MAD1L1: variants seen among roughly 807,000 people sequenced by gnomAD.
The protein encoded by MAD1L1 is mitotic arrest deficient 1 like 1.
Under a neutral mutation model 96.9 loss-of-function variants are expected in MAD1L1, and 95 were observed. The ratio of observed to expected loss-of-function variants is 0.98; its 90% CI spans 0.83 to 1.16. The LOEUF is 1.16. MAD1L1 is among the 50% of genes most tolerant of loss of function. The pLI is 0.00. For synonymous variants in MAD1L1, 473 were observed against 396.6 expected (o/e 1.19, Z -2.29); for missense variants, 1,007 against 954.4 (o/e 1.06, Z -0.73).
At chr7:2,017,784 T>C (rs1443996647) in intron 12 of MAD1L1, among the ~76,000 whole-genome samples, 3 of 152,014 alleles carry the variant, frequency 2.0e-5, no homozygotes, top group Non-Finnish European at 4.4e-5. Flanking sequence ...TCCCACGCAA[T>C]GAGAGACAGA....
intron 18 of MAD1L1, chr7:1,846,394 G>C (rs1783624907): frequency 6.5e-6 from 1 of 152,746 alleles, no homozygotes; most frequent in Non-Finnish European, 1.5e-5. Context: ...GGGTTCAGGA[G>C]GTTTATAAAC....
At chr7:1,990,666 C>T (rs964816408) in intron 14 of MAD1L1, among the ~76,000 whole-genome samples, 9 of 152,248 alleles carry the variant, frequency 5.9e-5, no homozygotes, top group Non-Finnish European at 1.0e-4. Context: ...TTGGAGGAAC[C>T]GGGGCCTCAC....
chr7:1,966,456 C>A (rs937198891), intron 15 of MAD1L1, among the ~76,000 whole-genome samples: 4 of 151,120 alleles, frequency 2.6e-5, no homozygotes. Context: ...AGTGTGCACG[C>A]TCTCACAGCA....
intron 12 of MAD1L1, among the ~76,000 whole-genome samples, chr7:2,060,256 TGCCGAGATAC>T (rs146871504): frequency 3.5e-5 from 5 of 144,482 alleles, no homozygotes; most frequent in Non-Finnish European, 6.2e-5. Context: ...GATACGCCGA[TGCCGAGATAC>T]GCCGATGCCG....
intron 11 of MAD1L1, among the ~76,000 whole-genome samples, chr7:2,135,123 G>A (rs150961097): frequency 1.2e-3 from 177 of 152,362 alleles, no homozygotes; most frequent in Middle Eastern, 6.8e-3. Flanking sequence ...CACGAAAGGT[G>A]TGAAGGAACG....
intron 11 of MAD1L1, among the ~76,000 whole-genome samples, chr7:2,073,688 G>A (rs529957252): frequency 1.2e-4 from 18 of 152,362 alleles, no homozygotes; most frequent in Non-Finnish European, 2.9e-5. Context: ...TGAAGCGTGT[G>A]TTCTGCAGCA....
chr7:2,127,009 C>T (rs1210724030), intron 11 of MAD1L1, among the ~76,000 whole-genome samples: 1 of 152,218 alleles, frequency 6.6e-6, no homozygotes, highest in African/African-American at 2.4e-5. Flanking sequence ...AGTTCAGTCA[C>T]GAAGCACATC....
At chr7:1,840,141 AC>A (rs1783170241) in intron 18 of MAD1L1, among the ~76,000 whole-genome samples, 1 of 152,034 alleles carries the variant, frequency 6.6e-6, no homozygotes, top group South Asian at 2.1e-4. Context: ...CCCAGGTCTG[AC>A]ACTCTCTTTC....
At chr7:2,073,048 G>A (rs1317120099) in intron 11 of MAD1L1, among the ~76,000 whole-genome samples, 1 of 152,200 alleles carries the variant, frequency 6.6e-6, no homozygotes, top group African/African-American at 2.4e-5. Context: ...CCCAGGAACT[G>A]GATGTGGCCT....
chr7:1,942,101 A>G (rs1188491391), intron 16 of MAD1L1, among the ~76,000 whole-genome samples: 1 of 152,020 alleles, frequency 6.6e-6, no homozygotes, highest in African/African-American at 2.4e-5. Context: ...CCCTTAGTCC[A>G]TCCACCCGCA....
chr7:2,126,004 G>C (rs1788214185), intron 11 of MAD1L1, among the ~76,000 whole-genome samples: 1 of 152,228 alleles, frequency 6.6e-6, no homozygotes. Context: ...TCCTGGAGAG[G>C]GGTCATCTTC....
intron 18 of MAD1L1, among the ~76,000 whole-genome samples, chr7:1,860,388 CG>C (rs1482091585): frequency 8.5e-6 from 1 of 117,468 alleles, no homozygotes; most frequent in East Asian, 3.2e-4. Context: ...TGACATCCTG[CG>C]GGGCGGCCTC....
At chr7:2,023,897 C>G (rs911895916) in intron 12 of MAD1L1, among the ~76,000 whole-genome samples, 2 of 151,668 alleles carry the variant, frequency 1.3e-5, no homozygotes, top group Non-Finnish European at 2.9e-5. Flanking sequence ...TGCAGTGAGC[C>G]GAGATCACGC....
At chr7:1,899,141 C>A (rs961505673) in intron 17 of MAD1L1, among the ~76,000 whole-genome samples, 3 of 152,222 alleles carry the variant, frequency 2.0e-5, no homozygotes, top group African/African-American at 7.2e-5. Context: ...CCACACCCTG[C>A]CCGTCAGAGT....
chr7:2,125,867 AAGTC>A (rs1166862287), intron 11 of MAD1L1, among the ~76,000 whole-genome samples: 5 of 145,542 alleles, frequency 3.4e-5, no homozygotes, highest in African/African-American at 1.2e-4. Flanking sequence ...GACTACCTGA[AAGTC>A]AGCTTACGCG....
chr7:2,167,173 C>G (rs951069427), intron 10 of MAD1L1, among the ~76,000 whole-genome samples: 29 of 152,154 alleles, frequency 1.9e-4, no homozygotes, highest in African/African-American at 7.0e-4. Context: ...CAAGTGGGCG[C>G]AGTAGCAGGC....
chr7:2,125,774 T>C (rs1788203626), intron 11 of MAD1L1, among the ~76,000 whole-genome samples: 1 of 152,250 alleles, frequency 6.6e-6, no homozygotes, highest in South Asian at 2.1e-4. Context: ...TGGGGTCATT[T>C]ACCACAGCTC....
chr7:2,168,476 C>T (rs1790545485), intron 10 of MAD1L1, among the ~76,000 whole-genome samples: 1 of 152,244 alleles, frequency 6.6e-6, no homozygotes, highest in African/African-American at 2.4e-5. Flanking sequence ...AGAAAGGCAA[C>T]AGCCATGCAC....
At chr7:1,905,616 C>T (rs1387564991) in intron 17 of MAD1L1, among the ~76,000 whole-genome samples, 2 of 152,244 alleles carry the variant, frequency 1.3e-5, no homozygotes, top group African/African-American at 2.4e-5. Flanking sequence ...GGAAGATGCT[C>T]TTGTGGAATT....
Sources: allele counts gnomAD v4.1 joint callset (sites outside exome capture counted in the v4.1 genomes callset), GRCh38; gene constraint gnomAD v4.1.1; transcripts MANE v1.5; gene names NCBI Gene and HGNC (gene_info 2026-07-23, HGNC 2026-07-21).